The following ZCCHC4 variants were observed in gnomAD, a reference collection of about 807,000 sequenced individuals.
The protein encoded by ZCCHC4 is rRNA N(6)-adenosine-methyltransferase ZCCHC4.
A neutral mutation model predicts 67.7 loss-of-function variants in ZCCHC4; 54 were observed. The ratio of observed to expected loss-of-function variants is 0.80; its 90% CI spans 0.64 to 1.00. The LOEUF (loss-of-function observed/expected upper bound fraction) is 1.00. ZCCHC4 is among the 50% of genes least tolerant of loss of function. The pLI is 0.00. For missense variants in ZCCHC4, 609 were observed against 617.0 expected (o/e 0.99, Z 0.14); for synonymous variants, 198 against 213.5 (o/e 0.93, Z 0.63).
rs531870788 is a variant in ZCCHC4, at chr4:25,366,027, G to A, written c.1406+861G>A. 2.3e-5 allele frequency: 18 copies of A among 798,638 alleles called. No individual in the cohort carries two copies. In the African/African-American group the frequency reaches 2.5e-4, roughly 11 times the overall value. The allele number at this position is 798,638 out of a possible 1,614,324, so 49.5% of individuals were successfully genotyped here. ...TGACATTATATGAAAATTCAGATTG[G>A]GCTACCATGTGACTATGACTTGTAA... On this transcript the variant is annotated intron_variant, in intron 12 of 12. Transcript: ENST00000302874.
chr4:25,342,219 C>T lies in ZCCHC4; in HGVS notation c.687-3329C>T, dbSNP rs564522468. Reference sequence around the variant, plus strand: ...CTGGTTACCTGTATTTACAGCATGACGGAGTGTGTGGTTGGTTCAGATTTC... The same window carrying T: ...CTGGTTACCTGTATTTACAGCATGATGGAGTGTGTGGTTGGTTCAGATTTC... On this transcript the variant is annotated intron_variant, in intron 5 of 12. Transcript: ENST00000302874. 1.4e-4 allele frequency among the ~76,000 whole-genome samples: 22 copies of T among 152,072 alleles called. 1 individual carries two copies. The highest frequency in any genetic ancestry group is 1.0e-3 in the Admixed American group (16 of 15,264).
chr4:25,328,838 C>A (rs1719028371), intron 3 of ZCCHC4, among the ~76,000 whole-genome samples: 1 of 152,202 alleles, frequency 6.6e-6, no homozygotes, highest in East Asian at 1.9e-4. Context: ...TCACCTTGGC[C>A]TCCCAAAGTG....
intron 3 of ZCCHC4, among the ~76,000 whole-genome samples, chr4:25,323,975 T>C (rs1009436174): frequency 6.6e-6 from 1 of 150,554 alleles, no homozygotes; most frequent in African/African-American, 2.5e-5. Context: ...TTCTAGAAGT[T>C]TATATAAAGG....
rs778618269 is a variant in ZCCHC4, at chr4:25,364,521, TA to T, written c.1261+17del. 28 of 1,552,174 alleles carry T rather than the reference TA, an allele frequency of 1.8e-5. No homozygotes were observed. Among genetic ancestry groups the T allele is most frequent in the Non-Finnish European group, 2.4e-5 (28 of 1,152,840 alleles). On this transcript the variant is annotated intron_variant, in intron 11 of 12. Transcript: ENST00000302874. The stretch of plus-strand genomic sequence containing the variant: ...GTAAAGCCTTGTAAGTATTGAGACT[TA>T]GTGTTTGAGATCCTATGAACATATT...
intron 8 of ZCCHC4, among the ~76,000 whole-genome samples, chr4:25,355,542 T>C (rs316776): frequency 0.86 from 130,709 of 152,136 alleles, 56,190 homozygotes; most frequent in African/African-American, 0.88. Context: ...CTCTCTTGTA[T>C]GTACTTAATA....
chr4:25,328,503 G>A (rs1719009465), intron 3 of ZCCHC4, among the ~76,000 whole-genome samples: 1 of 152,108 alleles, frequency 6.6e-6, no homozygotes, highest in South Asian at 2.1e-4. Flanking sequence ...GCCTCCCAAA[G>A]TGTTGGGATT....
chr4:25,325,039 C>T (rs1019276239), intron 3 of ZCCHC4, among the ~76,000 whole-genome samples: 3 of 151,452 alleles, frequency 2.0e-5, no homozygotes, highest in Non-Finnish European at 4.4e-5. Flanking sequence ...GTCAGGAGAT[C>T]GAGACCATCC....
intron 3 of ZCCHC4, among the ~76,000 whole-genome samples, chr4:25,332,470 C>T (rs1719234009): frequency 6.6e-6 from 1 of 151,976 alleles, no homozygotes; most frequent in African/African-American, 2.4e-5. Flanking sequence ...ATCACATGTA[C>T]AAAACCAGCA....
At chr4:25,319,231 T>A (rs533177115) in intron 3 of ZCCHC4, among the ~76,000 whole-genome samples, 22 of 151,194 alleles carry the variant, frequency 1.5e-4, no homozygotes, top group Admixed American at 3.9e-4. Flanking sequence ...AAAATACAAA[T>A]AAAATTAGCT....
At position 25,329,480 on chromosome 4, in the gene ZCCHC4, T is replaced by G. The variant is rs113634665; in HGVS notation, c.330-3703T>G. 6.7e-3 allele frequency among the ~76,000 whole-genome samples: 1,013 copies of G among 151,770 alleles called. 11 individuals are homozygous for G. The highest frequency in any genetic ancestry group is 0.023 in the African/African-American group (946 of 41,448). ...ATTCCCATGTAAGGTGTTTTGTTTT[T>G]TTTTTTTAATAATTTTAACAAACCT... On this transcript the variant is annotated intron_variant, in intron 3 of 12. Coordinates refer to ENST00000302874, the MANE Select transcript of ZCCHC4 (RefSeq NM_024936.3).
chr4:25,337,925 A>G (rs145089396), intron 5 of ZCCHC4, among the ~76,000 whole-genome samples: 1 of 152,340 alleles, frequency 6.6e-6, no homozygotes, highest in Admixed American at 6.5e-5. Flanking sequence ...AGAACTTGTT[A>G]AAATTGCAAG....
At chr4:25,335,226 C>G (rs977278533) in intron 5 of ZCCHC4, among the ~76,000 whole-genome samples, 2 of 152,140 alleles carry the variant, frequency 1.3e-5, no homozygotes, top group African/African-American at 4.8e-5. Flanking sequence ...GCTGGCAGAT[C>G]ACTTGAGGTC....
intron 3 of ZCCHC4, among the ~76,000 whole-genome samples, chr4:25,318,349 CTTTTTTTTTTTTTTT>C (rs528144406): frequency 2.2e-5 from 1 of 45,508 alleles, no homozygotes; most frequent in Non-Finnish European, 3.6e-5. Context: ...CACTCTCTCT[CTTTTTTTTTTTTTTT>C]TTTTTTTTTG....
At chr4:25,328,001 T>C (rs964508294) in intron 3 of ZCCHC4, among the ~76,000 whole-genome samples, 2 of 152,214 alleles carry the variant, frequency 1.3e-5, no homozygotes, top group Non-Finnish European at 2.9e-5. Flanking sequence ...ATTTTGTTAA[T>C]AATTTTTGAG....
chr4:25,352,928 C>A (rs138851382), intron 8 of ZCCHC4, among the ~76,000 whole-genome samples: 1 of 152,342 alleles, frequency 6.6e-6, no homozygotes, highest in African/African-American at 2.4e-5. Context: ...GTAAAAGACT[C>A]TACTTGTGAT....
At chr4:25,352,431 C>T (rs527639392) in intron 8 of ZCCHC4, 19 of 976,832 alleles carry the variant, frequency 1.9e-5, no homozygotes, top group Admixed American at 6.2e-5. Flanking sequence ...TTTTTTGAGA[C>T]AGAGTCTCAC....
rs912099519 is a variant in ZCCHC4, at chr4:25,350,940, C to G, written c.911-649C>G. 2.6e-5 allele frequency among the ~76,000 whole-genome samples: 4 copies of G among 152,074 alleles called. No individual in the cohort carries two copies. In the East Asian group the frequency reaches 7.7e-4, roughly 29 times the overall value. ...AATTCTAGGGATTATTGTAAGGAGA[C>G]AGTACATAGAATGTACTTATTATAG... On this transcript the variant is annotated intron_variant, in intron 7 of 12. Transcript: ENST00000302874.
chr4:25,353,066 G>A (rs1388466314), intron 8 of ZCCHC4, among the ~76,000 whole-genome samples: 1 of 152,082 alleles, frequency 6.6e-6, no homozygotes. Flanking sequence ...TGTCTTATAA[G>A]TATACATTTT....
intron 3 of ZCCHC4, among the ~76,000 whole-genome samples, chr4:25,329,393 T>C (rs1719056261): frequency 6.6e-6 from 1 of 151,956 alleles, no homozygotes; most frequent in Non-Finnish European, 1.5e-5. Flanking sequence ...TCATTTTGTA[T>C]CATTCTGAGA....
Sources: gnomAD v4.1 joint callset for allele counts (sites outside exome capture counted in the v4.1 genomes callset) on GRCh38, gnomAD v4.1.1 for gene constraint, MANE v1.5 for transcripts, NCBI Gene and HGNC (gene_info 2026-07-23, HGNC 2026-07-21) for gene names.